Variants in SLC4A1 observed in about 807,000 individuals in gnomAD.
SLC4A1 encodes band 3 anion transport protein.
A neutral mutation model predicts 93.1 loss-of-function variants in SLC4A1; 29 were observed. The observed-to-expected ratio is 0.31, with a 90% CI of 0.23 to 0.42. The LOEUF (loss-of-function observed/expected upper bound fraction) is 0.42, where lower values mean the gene tolerates loss of function less well. SLC4A1 is among the 20% of genes least tolerant of loss of function. The pLI, the probability that SLC4A1 is intolerant of heterozygous loss-of-function variation, is 1.00. For synonymous variants in SLC4A1, 469 were observed against 497.2 expected, an observed-to-expected ratio of 0.94 and a Z score of 0.76; for missense variants, 965 against 1,190.1, an observed-to-expected ratio of 0.81 and a Z score of 2.78.
At position 44,258,927 on chromosome 17, in the gene SLC4A1, C is replaced by A. The variant is rs2047415194; in HGVS notation, c.876+236G>T. 6.6e-6 allele frequency among the ~76,000 whole-genome samples: 1 copy of A among 152,160 alleles called. No individual in the cohort carries two copies. Among genetic ancestry groups the A allele is most frequent in the Non-Finnish European group, 1.5e-5 (1 of 68,026 alleles). On this transcript the variant is annotated intron_variant, in intron 9 of 19. Coordinates refer to ENST00000262418, the MANE Select transcript of SLC4A1 (RefSeq NM_000342.4). This position sits in a 1 kb window ranked among gnomAD's most constrained non-coding sequence, Gnocchi z 6.1. ...CTGACCTGACCAGGTGGAACCAGGT[C>A]ATAGTGAGCTGGACTAGACTAAGCC...
chr17:44,263,172 A>G (rs544836235), intron 1 of SLC4A1, among the ~76,000 whole-genome samples: 26 of 152,252 alleles, frequency 1.7e-4, no homozygotes, highest in African/African-American at 6.3e-4. Context: ...GGCACCAGCG[A>G]AGGATGTTTG....
intron 19 of SLC4A1, 26 bp from the exon 20 acceptor site, chr17:44,250,564 C>T: frequency 6.3e-7 from 1 of 1,597,830 alleles, no homozygotes; most frequent in Non-Finnish European, 8.6e-7. Context: ...AGGAGAGAGA[C>T]AGGGTGAGAG....
At position 44,254,508 on chromosome 17, in the gene SLC4A1, G is replaced by A. The variant is rs2047371225; in HGVS notation, c.2045C>T (p.Ser682Phe). 6.2e-7 allele frequency: 1 copy of A among 1,604,930 alleles called. No homozygotes were observed. The highest frequency in any genetic ancestry group is 1.7e-5 in the Admixed American group (1 of 59,802). Residue 682 changes from serine to phenylalanine, a missense_variant, in exon 16 of 20, where the codon TCT becomes TTT. This residue lies in a region of SLC4A1 where 770 missense variants were observed against 1,006.6 expected (regional missense o/e 0.76). Coordinates refer to ENST00000262418, the MANE Select transcript of SLC4A1 (RefSeq NM_000342.4). Reference sequence around the variant, plus strand: ...CCCTGTCTCTCACGTGGTGATCTGAGACTCCAGGAATATGAGGATGAAGAC... The same window carrying A: ...CCCTGTCTCTCACGTGGTGATCTGAAACTCCAGGAATATGAGGATGAAGAC... ...LLVFILIFLE[S>F]QITTLIVSKP...
Position 44,248,457 on chromosome 17 carries a change from G to A in SLC4A1, c.*2001C>T, listed in dbSNP as rs1211192376. The A allele has an allele frequency of 2.6e-5, 4 of 152,268 alleles. No homozygotes were observed. Among genetic ancestry groups the A allele is most frequent in the African/African-American group, 9.6e-5 (4 of 41,456 alleles). The allele number at this position is 152,268 out of a possible 1,614,324, so 9.4% of individuals were successfully genotyped here. ...TCAAGGGGAAGGGTGCTAGCAGAGTGAATAATTTTTGTTTTTCACTTTCCT... is the reference window on the plus strand; with the variant it reads ...TCAAGGGGAAGGGTGCTAGCAGAGTAAATAATTTTTGTTTTTCACTTTCCT... On this transcript the variant is annotated 3_prime_UTR_variant, in exon 20 of 20. Transcript: ENST00000262418.
intron 18 of SLC4A1, 24 bp downstream of exon 18, chr17:44,251,395 G>A (rs1224609012): frequency 6.2e-7 from 1 of 1,614,116 alleles, no homozygotes; most frequent in Non-Finnish European, 8.5e-7. Flanking sequence ...CCCCAGGCTG[G>A]GCAGCCAGAA....
chr17:44,266,671 C>T (rs2047498638), intron 1 of SLC4A1, among the ~76,000 whole-genome samples: 1 of 152,180 alleles, frequency 6.6e-6, no homozygotes. Flanking sequence ...AGATTGCCAC[C>T]CGCCAGCCAG....
chr17:44,267,971 G>A (rs967174600), intron 1 of SLC4A1, 83 bp downstream of exon 1: 39 of 719,806 alleles, frequency 5.4e-5, no homozygotes, highest in Non-Finnish European at 6.3e-5. Flanking sequence ...GCCCACCTGG[G>A]CATAGATTCA....
Position 44,260,757 on chromosome 17 carries a change from A to T in SLC4A1, c.227T>A (p.Met76Lys). The change falls in exon 5 of 20, where the codon ATG (methionine) becomes AAG (lysine). Residue 76 changes from methionine to lysine, a missense_variant. By Grantham distance (95) the Met-to-Lys change is moderately conservative (BLOSUM62 -1). Coordinates refer to ENST00000262418, the MANE Select transcript of SLC4A1 (RefSeq NM_000342.4). ...MDEKNQELRW[M>K]EAARWVQLEE... The stretch of plus-strand genomic sequence containing the variant: ...CAGTTGCACCCAGCGCGCCGCCTCC[A>T]TCCATCTCAGCTCCTGGTTCTTTTC... The T allele has an allele frequency of 6.2e-7, 1 of 1,613,980 alleles. No homozygotes were observed. Among genetic ancestry groups the T allele is most frequent in the Non-Finnish European group, 8.5e-7 (1 of 1,179,992 alleles).
intron 1 of SLC4A1, 77 bp from the exon 2 acceptor site, chr17:44,263,011 T>A: frequency 8.2e-7 from 1 of 1,222,804 alleles, no homozygotes; most frequent in Non-Finnish European, 1.2e-6. Context: ...GGGGGCCACA[T>A]GTCAGTGGAG....
chr17:44,267,377 A>G (rs971676821), intron 1 of SLC4A1, among the ~76,000 whole-genome samples: 1 of 152,204 alleles, frequency 6.6e-6, no homozygotes, highest in African/African-American at 2.4e-5. Context: ...CATTAAGGAA[A>G]TTTACATTTG....
Position 44,259,291 on chromosome 17 carries a change from C to A in SLC4A1, c.748G>T (p.Ala250Ser). Residue 250 changes from alanine (A) to serine (S), a missense_variant, in exon 9 of 20, where the codon GCA becomes TCA. Ala to Ser is a moderately conservative substitution (Grantham distance 99, BLOSUM62 1). Around this residue, in one of 2 missense-constraint regions of SLC4A1, gnomAD observed 770 missense variants for 1,006.6 expected, o/e 0.76. Transcript: ENST00000262418. ...AGCTCCACCGCCTCCAGCTCCGCTG[C>A]CTCCTGCAGCCTCACGAAGCCCAGC... is the stretch of plus-strand genomic sequence containing the variant. ...PVLGFVRLQE[A>S]AELEAVELPV... 1 of 1,613,984 alleles carries A rather than the reference C, an allele frequency of 6.2e-7. No individual in the cohort carries two copies. The highest frequency in any genetic ancestry group is 8.5e-7 in the Non-Finnish European group (1 of 1,180,020).
In SLC4A1 at chr17:44,255,212, T is replaced by C; in HGVS notation, c.1885A>G (p.Thr629Ala). 6.4e-7 allele frequency: 1 copy of C among 1,553,194 alleles called. No homozygotes were observed. Among genetic ancestry groups the C allele is most frequent in the Non-Finnish European group, 8.7e-7 (1 of 1,147,416 alleles). Residue 629 changes from threonine (T) to alanine (A), a missense_variant, in exon 15 of 20, where the codon ACC becomes GCC. Physicochemically the swap from Thr to Ala is moderately conservative, Grantham distance 58. Around this residue, in one of 2 missense-constraint regions of SLC4A1, gnomAD observed 770 missense variants for 1,006.6 expected, o/e 0.76. Transcript: ENST00000262418. ...LVDFFIQDTY[T>A]QKLSVPDGFK... is the part of the protein sequence containing the mutation. ...GGGCTGGGAGGAGGGGTCACCTGGG[T>C]GTAGGTATCCTGAATGAAGAAATCC...
At chr17:44,268,017 C>T (rs368645094) in intron 1 of SLC4A1, 37 bp downstream of exon 1, 12 of 960,648 alleles carry the variant, frequency 1.2e-5, no homozygotes, top group East Asian at 1.1e-4. Flanking sequence ...GGGCAGGCAC[C>T]GAAGGACCAT....
chr17:44,266,429 T>C (rs1486025541), intron 1 of SLC4A1, among the ~76,000 whole-genome samples: 1 of 151,166 alleles, frequency 6.6e-6, no homozygotes, highest in East Asian at 1.9e-4. Flanking sequence ...ATCTGAGGAG[T>C]GGAATGGTCA....
intron 13 of SLC4A1, 137 bp from the exon 14 acceptor site, chr17:44,255,983 C>G (rs1284239502): frequency 3.6e-6 from 3 of 832,326 alleles, no homozygotes; most frequent in Non-Finnish European, 6.2e-6. Context: ...ATTTATCCAC[C>G]CATCCATCAT....
Position 44,253,259 on chromosome 17 carries a change from G to A in SLC4A1, c.2170C>T (p.Leu724Phe). 1 of 1,614,036 alleles carries A rather than the reference G, an allele frequency of 6.2e-7. No individual in the cohort carries two copies. Among genetic ancestry groups the A allele is most frequent in the South Asian group, 1.1e-5 (1 of 91,088 alleles). The change falls in exon 17 of 20, where the codon CTC (leucine) becomes TTC (phenylalanine). Residue 724 changes from leucine (L) to phenylalanine (F), a missense_variant. This residue lies in a region of SLC4A1 where 770 missense variants were observed against 1,006.6 expected (regional missense o/e 0.76). Transcript: ENST00000262418. ...ACGGAACGCACGGTGGTGGCACTGA[G>A]CCAGGGCATCCCAAAGAGGGCGGCC... is the stretch of plus-strand genomic sequence containing the variant. ...GVAALFGMPW[L>F]SATTVRSVTH...
chr17:44,259,394 G>A, intron 8 of SLC4A1, 50 bp from the exon 9 acceptor site: 9 of 1,610,054 alleles, frequency 5.6e-6, no homozygotes, highest in South Asian at 1.1e-5. Context: ...CAGGGTGGGT[G>A]TGCTGAAGAG....
Position 44,262,660 on chromosome 17 carries a change from C to G in SLC4A1, c.82G>C (p.Glu28Gln). The G allele has an allele frequency of 1.2e-6, 2 of 1,613,258 alleles. No individual in the cohort carries two copies. Among genetic ancestry groups the G allele is most frequent in the South Asian group, 1.1e-5 (1 of 90,908 alleles). The change falls in exon 3 of 20, where the codon GAG (glutamate) becomes CAG (glutamine). Residue 28 changes from glutamate (E) to glutamine (Q), a missense_variant. Transcript: ENST00000262418. ...QEEYEDPDIP[E>Q]SQMEEPAAHD... Reference sequence around the variant, plus strand: ...CCTGCCGGCTCCTCCATCTGGGACTCGGGGATGTCTGGGTCTTCATATTCC... The same window carrying G: ...CCTGCCGGCTCCTCCATCTGGGACTGGGGGATGTCTGGGTCTTCATATTCC...
chr17:44,249,170 T>C lies in SLC4A1; in HGVS notation c.*1288A>G. ...AGCCACTGCGCCCAGCCACCTCCTC[T>C]CTTTTCTACCACTTCCTGATTCTGT... On this transcript the variant is annotated 3_prime_UTR_variant, in exon 20 of 20. Transcript: ENST00000262418. 2.2e-6 allele frequency: 1 copy of C among 455,408 alleles called. No individual in the cohort carries two copies. Among genetic ancestry groups the C allele is most frequent in the Non-Finnish European group, 4.4e-6 (1 of 226,574 alleles). The allele number at this position is 455,408 out of a possible 1,614,324, so 28.2% of individuals were successfully genotyped here. A position where few individuals can be genotyped will look rare whatever the true frequency, so the allele number is the denominator to read the frequency against.
Sources: allele counts gnomAD v4.1 joint callset (sites outside exome capture counted in the v4.1 genomes callset), GRCh38; gene constraint gnomAD v4.1.1; regional missense constraint gnomAD v4.1.1; non-coding constraint Gnocchi (gnomAD v3.1); transcripts MANE v1.5; gene names NCBI Gene and HGNC (gene_info 2026-07-23, HGNC 2026-07-21).